The following RAPGEF4 variants were observed in gnomAD, a reference collection of about 807,000 sequenced individuals.
The protein encoded by RAPGEF4 is Rap guanine nucleotide exchange factor 4, also known as RAP guanine-nucleotide-exchange factor (GEF) 4.
RAPGEF4 carries 66 observed loss-of-function variants against 147.9 expected under a neutral mutation model. That is an observed-to-expected ratio of 0.45 (90% CI 0.37 to 0.55). RAPGEF4 has a LOEUF of 0.55. Ranked by LOEUF, RAPGEF4 falls within the 20% of genes least tolerant of loss-of-function variation. The pLI is 0.00. For synonymous variants in RAPGEF4, 419 were observed against 442.7 expected (o/e 0.95, Z 0.67); for missense variants, 1,071 against 1,257.3 (o/e 0.85, Z 2.24).
intron 1 of RAPGEF4, among the ~76,000 whole-genome samples, chr2:172,746,686 C>T (rs1435478197): frequency 6.6e-6 from 1 of 151,670 alleles, no homozygotes; most frequent in African/African-American, 2.4e-5. Flanking sequence ...GATCTCAGCT[C>T]ACTGCAAACT....
intron 4 of RAPGEF4, among the ~76,000 whole-genome samples, chr2:172,831,266 C>CTGTTTTTTTTTTTTTTTT (rs1690280855): frequency 1.9e-5 from 1 of 53,876 alleles, no homozygotes; most frequent in African/African-American, 6.2e-5. Context: ...AGATAGAAAA[C>CTGTTTTTTTTTTTTTTTT]TTTTTTTTTT....
chr2:172,816,099 T>C (rs1303339273), intron 4 of RAPGEF4, among the ~76,000 whole-genome samples: 2 of 152,166 alleles, frequency 1.3e-5, no homozygotes, highest in Admixed American at 6.5e-5. Flanking sequence ...CTAATGCCAT[T>C]ATCTCACCTA....
At chr2:172,845,504 A>C (rs1692082175) in intron 4 of RAPGEF4, among the ~76,000 whole-genome samples, 2 of 152,148 alleles carry the variant, frequency 1.3e-5, no homozygotes, top group South Asian at 4.1e-4. Context: ...AAGGCAGCAA[A>C]AAAATTGCTT....
chr2:172,939,881 C>T (rs1281219585), intron 6 of RAPGEF4, among the ~76,000 whole-genome samples: 4 of 152,084 alleles, frequency 2.6e-5, no homozygotes, highest in South Asian at 2.1e-4. Context: ...CTTGAAAAGA[C>T]TGTCTTCTCT....
intron 3 of RAPGEF4, among the ~76,000 whole-genome samples, chr2:172,808,013 G>T (rs1321312171): frequency 6.6e-6 from 1 of 152,180 alleles, no homozygotes; most frequent in Non-Finnish European, 1.5e-5. Context: ...CTGTTTAATT[G>T]ATTGTTAGCT....
At chr2:172,956,672 G>A (rs553681671) in intron 6 of RAPGEF4, among the ~76,000 whole-genome samples, 8 of 152,042 alleles carry the variant, frequency 5.3e-5, no homozygotes, top group South Asian at 4.2e-4. Flanking sequence ...GGGTTTCACC[G>A]TGTTACCCAG....
chr2:172,960,688 TCCC>T (rs1689194857), intron 6 of RAPGEF4, 69 bp from the exon 7 acceptor site: 1 of 1,038,836 alleles, frequency 9.6e-7, no homozygotes, highest in Admixed American at 2.6e-5. Context: ...TTTCTTATTA[TCCC>T]CCAACCCATA....
intron 3 of RAPGEF4, among the ~76,000 whole-genome samples, chr2:172,803,177 G>A (rs1559049137): frequency 6.6e-6 from 1 of 152,194 alleles, no homozygotes; most frequent in African/African-American, 2.4e-5. Context: ...CCCCAGTAGG[G>A]ACTCTGTGTG....
Position 173,030,215 on chromosome 2 carries a change from A to C in RAPGEF4, c.2610A>C (p.Leu870=), listed in dbSNP as rs770403247. ...LNSFFAIVMG[L]SNVAVSRLAL... is the part of the protein sequence containing the mutation. Reference sequence around the variant, plus strand: ...CCTTTTTTGCCATCGTCATGGGACTAAGTAACGTTGCTGTGAGCCGCTTGG... The same window carrying C: ...CCTTTTTTGCCATCGTCATGGGACTCAGTAACGTTGCTGTGAGCCGCTTGG... The change falls in exon 26 of 31, where the codon CTA becomes CTC. Residue 870 remains leucine, a synonymous_variant. Coordinates refer to ENST00000397081, the MANE Select transcript of RAPGEF4 (RefSeq NM_007023.4). 3.1e-6 allele frequency: 5 copies of C among 1,613,696 alleles called. No homozygotes were observed. In the South Asian group the frequency reaches 5.5e-5, roughly 18 times the overall value.
At chr2:172,918,192 G>A (rs557438961) in intron 5 of RAPGEF4, among the ~76,000 whole-genome samples, 23 of 149,754 alleles carry the variant, frequency 1.5e-4, no homozygotes, top group Middle Eastern at 7.1e-3. Context: ...AAGAAGGGAT[G>A]CACGAACTGT....
intron 25 of RAPGEF4, among the ~76,000 whole-genome samples, chr2:173,028,938 G>A (rs1234602438): frequency 6.6e-6 from 1 of 152,184 alleles, no homozygotes; most frequent in Non-Finnish European, 1.5e-5. Context: ...CTTACATAGG[G>A]TAATAAAGTT....
In RAPGEF4 at chr2:172,789,464, G is replaced by T. The variant is rs533396194; in HGVS notation, c.66-5561G>T. Reference sequence around the variant, plus strand: ...CTTTTTAAAATTTTTATTTTATTGTGTTAAGAACACTTACTATGAGATCTA... The same window carrying T: ...CTTTTTAAAATTTTTATTTTATTGTTTTAAGAACACTTACTATGAGATCTA... On this transcript the variant is annotated intron_variant, in intron 1 of 30. Coordinates refer to ENST00000397081, the MANE Select transcript of RAPGEF4 (RefSeq NM_007023.4). 2.0e-5 allele frequency among the ~76,000 whole-genome samples: 3 copies of T among 150,610 alleles called. No individual in the cohort carries two copies. The South Asian group carries it at 6.3e-4, about 32-fold the overall frequency.
At chr2:172,881,752 C>A (rs572651158) in intron 4 of RAPGEF4, among the ~76,000 whole-genome samples, 1 of 152,206 alleles carries the variant, frequency 6.6e-6, no homozygotes, top group Non-Finnish European at 1.5e-5. Context: ...TACTCCAACA[C>A]GTTTGTAGTT....
At chr2:172,761,029 A>G (rs1696266720) in intron 1 of RAPGEF4, among the ~76,000 whole-genome samples, 1 of 152,062 alleles carries the variant, frequency 6.6e-6, no homozygotes, top group Non-Finnish European at 1.5e-5. Flanking sequence ...CTATAGGGGA[A>G]AAACAATGAG....
At chr2:172,920,068 AT>A (rs1446678225) in intron 5 of RAPGEF4, among the ~76,000 whole-genome samples, 1 of 152,070 alleles carries the variant, frequency 6.6e-6, no homozygotes, top group Non-Finnish European at 1.5e-5. Flanking sequence ...TCCCCAAGAC[AT>A]TTTTTACTTT....
At chr2:172,996,826 T>G (rs755562176) in intron 16 of RAPGEF4, among the ~76,000 whole-genome samples, 14 of 152,178 alleles carry the variant, frequency 9.2e-5, no homozygotes, top group Non-Finnish European at 2.1e-4. Context: ...CTTAAGTTAT[T>G]CAAATCCCAC....
At position 172,883,018 on chromosome 2, in the gene RAPGEF4, G is replaced by A. The variant is rs545674023; in HGVS notation, c.445-34784G>A. On this transcript the variant is annotated intron_variant, in intron 4 of 30. Transcript: ENST00000397081. ...TTATCCACTGATTTGGAAGCATGGA[G>A]TCAGAGTAGGGGAGCAGATGAGCAG... 8.5e-5 allele frequency among the ~76,000 whole-genome samples: 13 copies of A among 152,186 alleles called. No homozygotes were observed. In the East Asian group the frequency reaches 1.5e-3, roughly 18 times the overall value.
chr2:172,817,941 A>G (rs1688674102), intron 4 of RAPGEF4, among the ~76,000 whole-genome samples: 1 of 147,458 alleles, frequency 6.8e-6, no homozygotes, highest in Non-Finnish European at 1.5e-5. Context: ...AATTATATAT[A>G]TAATGTATAT....
intron 4 of RAPGEF4, among the ~76,000 whole-genome samples, chr2:172,819,745 G>A (rs1222475068): frequency 2.6e-5 from 4 of 152,134 alleles, no homozygotes; most frequent in African/African-American, 7.2e-5. Context: ...GATTACAGGC[G>A]TGAACCACCG....
Sources: gnomAD v4.1 joint callset for allele counts (sites outside exome capture counted in the v4.1 genomes callset) on GRCh38, gnomAD v4.1.1 for gene constraint, MANE v1.5 for transcripts, NCBI Gene and HGNC (gene_info 2026-07-23, HGNC 2026-07-21) for gene names.